UBR3: variants seen among roughly 807,000 people sequenced by gnomAD.
UBR3 encodes the protein E3 ubiquitin-protein ligase UBR3.
A neutral mutation model predicts 243.2 loss-of-function variants in UBR3; 85 were observed. That is an observed-to-expected ratio of 0.35 (90% CI 0.29 to 0.42). The LOEUF is 0.42. UBR3 is among the 10% of genes least tolerant of loss of function. UBR3 has a pLI of 1.00. For missense variants in UBR3, 1,686 were observed against 2,300.8 expected (o/e 0.73, Z 5.47); for synonymous variants, 748 against 799.8 (o/e 0.94, Z 1.09).
chr2:169,923,758 G>T (rs1377959747), intron 11 of UBR3, among the ~76,000 whole-genome samples, 171 bp from the exon 12 acceptor site: 3 of 152,066 alleles, frequency 2.0e-5, no homozygotes, highest in Non-Finnish European at 4.4e-5. Context: ...TGTTTAAAAT[G>T]GAAAAATTTT....
chr2:169,895,834 C>G (rs142987404), intron 7 of UBR3, among the ~76,000 whole-genome samples: 21 of 151,996 alleles, frequency 1.4e-4, no homozygotes, highest in African/African-American at 5.1e-4. Flanking sequence ...TACTATCTTA[C>G]GGTTATGGCA....
intron 8 of UBR3, among the ~76,000 whole-genome samples, chr2:169,898,875 G>A (rs1254931009): frequency 6.6e-6 from 1 of 151,390 alleles, no homozygotes. Context: ...CTAATTTTTT[G>A]TATTTTTAGT....
At chr2:169,976,448 G>T (rs1331218173) in intron 24 of UBR3, among the ~76,000 whole-genome samples, 1 of 152,022 alleles carries the variant, frequency 6.6e-6, no homozygotes, top group Non-Finnish European at 1.5e-5. Flanking sequence ...TGGTCTAGTG[G>T]TGATGAATTC....
At chr2:170,079,382 C>G (rs1399339506) in intron 36 of UBR3, among the ~76,000 whole-genome samples, 1 of 152,042 alleles carries the variant, frequency 6.6e-6, no homozygotes, top group Non-Finnish European at 1.5e-5. Context: ...TGAGTTATAA[C>G]CATGATCTGT....
At chr2:170,046,012 G>T (rs2091078744) in intron 32 of UBR3, among the ~76,000 whole-genome samples, 1 of 145,580 alleles carries the variant, frequency 6.9e-6, no homozygotes, top group Admixed American at 7.1e-5. Flanking sequence ...TCTCGCCTAG[G>T]CTGGAATGCA....
chr2:169,982,625 T>C (rs767821703), intron 24 of UBR3, among the ~76,000 whole-genome samples: 1 of 152,124 alleles, frequency 6.6e-6, no homozygotes, highest in Non-Finnish European at 1.5e-5. Flanking sequence ...AATGATTTTT[T>C]TAATTCCTTA....
At chr2:169,853,960 G>T (rs948907287) in intron 1 of UBR3, among the ~76,000 whole-genome samples, 29 of 151,298 alleles carry the variant, frequency 1.9e-4, no homozygotes, top group African/African-American at 6.8e-4. Flanking sequence ...TCATAAATGG[G>T]AATTTAACAG....
chr2:169,907,412 T>C (rs1157803732), intron 10 of UBR3, among the ~76,000 whole-genome samples: 1 of 152,226 alleles, frequency 6.6e-6, no homozygotes, highest in Non-Finnish European at 1.5e-5. Flanking sequence ...TTGTCCATTC[T>C]GGAAACTTTC....
chr2:169,920,968 T>A (rs925112343), intron 11 of UBR3, among the ~76,000 whole-genome samples: 4 of 152,192 alleles, frequency 2.6e-5, no homozygotes, highest in African/African-American at 9.6e-5. Context: ...CACTAAAATC[T>A]AGGCACTAGG....
intron 25 of UBR3, among the ~76,000 whole-genome samples, chr2:169,987,845 ATTC>A (rs1350386223): frequency 6.6e-6 from 1 of 152,172 alleles, no homozygotes; most frequent in East Asian, 1.9e-4. Context: ...ACTCCCCTGA[ATTC>A]AAATATGGTA....
At chr2:170,061,583 T>G in intron 35 of UBR3, 140 bp downstream of exon 35, 1 of 1,003,610 alleles carries the variant, frequency 1.0e-6, no homozygotes, top group Non-Finnish European at 1.4e-6. Flanking sequence ...TCCTCCTCCC[T>G]CAGCCCCTCT....
chr2:169,910,513 T>C (rs1384939919), intron 10 of UBR3, among the ~76,000 whole-genome samples: 1 of 152,128 alleles, frequency 6.6e-6, no homozygotes, highest in African/African-American at 2.4e-5. Context: ...ATTTCAGCTT[T>C]CAAGGCTAGA....
intron 1 of UBR3, among the ~76,000 whole-genome samples, chr2:169,856,972 G>A (rs1014220445): frequency 1.3e-5 from 2 of 149,648 alleles, no homozygotes; most frequent in African/African-American, 2.5e-5. Flanking sequence ...TTTGGCCTGT[G>A]TGTTATTTAG....
At chr2:169,840,312 G>C (rs1009866188) in intron 1 of UBR3, among the ~76,000 whole-genome samples, 11 of 152,152 alleles carry the variant, frequency 7.2e-5, no homozygotes, top group Non-Finnish European at 1.6e-4. Flanking sequence ...GCTGCTTGTA[G>C]TTAGCAGAGA....
chr2:169,899,279 C>CT (rs2084719681), intron 8 of UBR3, among the ~76,000 whole-genome samples: 2 of 152,184 alleles, frequency 1.3e-5, no homozygotes, highest in Non-Finnish European at 2.9e-5. Flanking sequence ...CATGCCTGGC[C>CT]TACTTCTTTG....
At position 170,061,410 on chromosome 2, in the gene UBR3, C is replaced by T. The variant is rs779031917; in HGVS notation, c.4986C>T (p.His1662=). 10 of 1,614,030 alleles carry T rather than the reference C, an allele frequency of 6.2e-6. No individual in the cohort carries two copies. Among genetic ancestry groups the T allele is most frequent in the Middle Eastern group, 1.7e-4 (1 of 6,060 alleles). ...PFLRITSLLQ[H]HLFGEDLPSC... is the part of the protein sequence containing the mutation. Reference sequence around the variant, plus strand: ...TCAGAATCACCAGCCTTCTTCAGCACCACCTTTTTGGGGAAGATTTACCTA... The same window carrying T: ...TCAGAATCACCAGCCTTCTTCAGCATCACCTTTTTGGGGAAGATTTACCTA... Residue 1662 remains histidine, a synonymous_variant, in exon 35 of 39, where the codon CAC becomes CAT. Coordinates refer to ENST00000272793, the MANE Select transcript of UBR3 (RefSeq NM_172070.4).
intron 21 of UBR3, among the ~76,000 whole-genome samples, chr2:169,946,825 A>T (rs1194685825): frequency 1.3e-5 from 2 of 152,118 alleles, no homozygotes; most frequent in Admixed American, 6.6e-5. Flanking sequence ...TAATAATTTG[A>T]TTAGGGATTA....
At chr2:169,941,615 T>A (rs1199181043) in intron 19 of UBR3, among the ~76,000 whole-genome samples, 2 of 152,236 alleles carry the variant, frequency 1.3e-5, no homozygotes, top group African/African-American at 4.8e-5. Context: ...TATATTGCTG[T>A]AATCTATTAT....
chr2:169,877,667 G>A, intron 4 of UBR3, 30 bp downstream of exon 4: 1 of 1,515,984 alleles, frequency 6.6e-7, no homozygotes, highest in Non-Finnish European at 8.8e-7. Flanking sequence ...TTGAACAGTT[G>A]TAACTTTTCT....
Sources: gnomAD v4.1 joint callset for allele counts (sites outside exome capture counted in the v4.1 genomes callset) on GRCh38, gnomAD v4.1.1 for gene constraint, MANE v1.5 for transcripts, NCBI Gene and HGNC (gene_info 2026-07-23, HGNC 2026-07-21) for gene names.